The following GABBR2 variants were observed in gnomAD, a reference collection of about 807,000 sequenced individuals.
The protein encoded by GABBR2 is gamma-aminobutyric acid type B receptor subunit 2.
A neutral mutation model predicts 105.6 loss-of-function variants in GABBR2; 23 were observed. The ratio of observed to expected loss-of-function variants is 0.22; its 90% CI spans 0.16 to 0.31. The LOEUF (loss-of-function observed/expected upper bound fraction) is 0.31. GABBR2 is among the 10% of genes least tolerant of loss of function. GABBR2 has a pLI of 1.00. For synonymous variants in GABBR2, 478 were observed against 499.7 expected, an observed-to-expected ratio of 0.96 and a Z score of 0.58; for missense variants, 734 against 1,245.5, an observed-to-expected ratio of 0.59 and a Z score of 6.18.
chr9:98,423,505 G>A lies in GABBR2; in HGVS notation c.1237-17364C>T, dbSNP rs1468706279. ...AGTTCATTGTAGATTCTGGATATTA[G>A]CCCTTTGTCAGATGAGTAGGTTGCA... is the stretch of plus-strand genomic sequence containing the variant. On this transcript the variant is annotated intron_variant, in intron 7 of 18. Transcript: ENST00000259455. 5.9e-5 allele frequency among the ~76,000 whole-genome samples: 9 copies of A among 152,206 alleles called. No individual in the cohort carries two copies. The East Asian group carries it at 1.5e-3, about 26-fold the overall frequency.
intron 1 of GABBR2, among the ~76,000 whole-genome samples, chr9:98,646,436 C>T (rs13286855): frequency 0.19 from 29,223 of 152,052 alleles, 3,088 homozygotes; most frequent in South Asian, 0.28. Flanking sequence ...CCTGGAAGCT[C>T]GCACCTGGTT....
Position 98,362,868 on chromosome 9 carries a change from G to A in GABBR2, c.1771-31C>T, listed in dbSNP as rs374920783. ...GAGCGGGAAGGAGCAGAGGGGAGCCGATGTGAGAGACAGCTTCCCACGCAG... is the reference window on the plus strand; with the variant it reads ...GAGCGGGAAGGAGCAGAGGGGAGCCAATGTGAGAGACAGCTTCCCACGCAG... On this transcript the variant is annotated intron_variant, in intron 12 of 18. Transcript: ENST00000259455. The A allele has an allele frequency of 2.2e-5, 33 of 1,475,504 alleles. No individual in the cohort carries two copies. The African/African-American group carries it at 3.4e-4, about 15-fold the overall frequency. The allele number at this position is 1,475,504 out of a possible 1,614,324, so 91.4% of individuals were successfully genotyped here.
intron 3 of GABBR2, among the ~76,000 whole-genome samples, chr9:98,522,748 CAGA>C (rs1192426558): frequency 1.3e-5 from 2 of 151,980 alleles, no homozygotes; most frequent in Non-Finnish European, 2.9e-5. Context: ...TGACTCATGT[CAGA>C]AGAAATTAGT....
At chr9:98,529,665 C>T (rs1828028786) in intron 3 of GABBR2, among the ~76,000 whole-genome samples, 1 of 152,140 alleles carries the variant, frequency 6.6e-6, no homozygotes, top group Admixed American at 6.5e-5. Context: ...CAAAAAAGAA[C>T]TTGACATTTT....
intron 1 of GABBR2, among the ~76,000 whole-genome samples, chr9:98,680,963 C>T (rs1830537726): frequency 6.6e-6 from 1 of 152,158 alleles, no homozygotes; most frequent in Admixed American, 6.5e-5. Flanking sequence ...AATAGATTAA[C>T]ATAGTAAAGA....
chr9:98,354,060 T>C (rs901809190), intron 13 of GABBR2, among the ~76,000 whole-genome samples: 4 of 152,254 alleles, frequency 2.6e-5, no homozygotes, highest in Non-Finnish European at 5.9e-5. Context: ...TATTTCTTCA[T>C]AGCAGTGTGG....
intron 2 of GABBR2, among the ~76,000 whole-genome samples, chr9:98,545,940 T>C (rs2131744673): frequency 6.6e-6 from 1 of 152,324 alleles, no homozygotes; most frequent in Admixed American, 6.5e-5. Context: ...TCTCCTGCCT[T>C]GTTTCGCATA....
chr9:98,577,730 G>A (rs1217208332), intron 2 of GABBR2, among the ~76,000 whole-genome samples: 2 of 152,208 alleles, frequency 1.3e-5, no homozygotes, highest in Non-Finnish European at 2.9e-5. Flanking sequence ...CATGGTGATA[G>A]CATCAGGGCT....
At chr9:98,599,548 T>C (rs1290311653) in intron 1 of GABBR2, among the ~76,000 whole-genome samples, 1 of 152,242 alleles carries the variant, frequency 6.6e-6, no homozygotes, top group Non-Finnish European at 1.5e-5. Flanking sequence ...CAGTGTTTTC[T>C]CCTGACCTGA....
At chr9:98,698,719 C>G (rs182147820) in intron 1 of GABBR2, among the ~76,000 whole-genome samples, 1 of 151,990 alleles carries the variant, frequency 6.6e-6, no homozygotes, top group African/African-American at 2.4e-5. Context: ...AGGCTGGTCT[C>G]GAACTCCTGA....
At chr9:98,706,225 T>C (rs1377378683) in intron 1 of GABBR2, among the ~76,000 whole-genome samples, 1 of 152,016 alleles carries the variant, frequency 6.6e-6, no homozygotes, top group Non-Finnish European at 1.5e-5. Flanking sequence ...GGGCATCTTC[T>C]ACCCTGGCCT....
intron 12 of GABBR2, among the ~76,000 whole-genome samples, chr9:98,368,711 A>G (rs1831725543): frequency 1.3e-5 from 2 of 152,198 alleles, no homozygotes; most frequent in South Asian, 4.1e-4. Context: ...CAAAGGAACC[A>G]ATACTGTGCT....
chr9:98,558,844 A>G (rs1828626908), intron 2 of GABBR2, among the ~76,000 whole-genome samples: 1 of 152,254 alleles, frequency 6.6e-6, no homozygotes, highest in South Asian at 2.1e-4. Flanking sequence ...GATCTGAACC[A>G]CATGCTGCTG....
intron 5 of GABBR2, among the ~76,000 whole-genome samples, chr9:98,473,717 C>T (rs1407143864): frequency 1.3e-5 from 2 of 152,148 alleles, no homozygotes; most frequent in East Asian, 1.9e-4. Flanking sequence ...AGGTTATTTA[C>T]ACAACTCTCA....
At chr9:98,604,022 A>G (rs1310164386) in intron 1 of GABBR2, among the ~76,000 whole-genome samples, 1 of 152,160 alleles carries the variant, frequency 6.6e-6, no homozygotes, top group Non-Finnish European at 1.5e-5. Context: ...CTGGGTTTTG[A>G]CAGCTGGAAG....
At chr9:98,470,759 C>CT (rs1826657306) in intron 6 of GABBR2, among the ~76,000 whole-genome samples, 1 of 151,802 alleles carries the variant, frequency 6.6e-6, no homozygotes, top group Admixed American at 6.6e-5. Context: ...TGAATCTGGT[C>CT]TTTATTTAAA....
intron 2 of GABBR2, among the ~76,000 whole-genome samples, chr9:98,543,401 G>A (rs1018587570): frequency 6.6e-6 from 1 of 151,818 alleles, no homozygotes; most frequent in Admixed American, 6.6e-5. Flanking sequence ...GGTCCATTCT[G>A]TTGCCCAGAC....
At chr9:98,708,300 C>T (rs1830928553) in intron 1 of GABBR2, 117 bp downstream of exon 1, 3 of 1,090,772 alleles carry the variant, frequency 2.8e-6, no homozygotes, top group African/African-American at 1.6e-5. Flanking sequence ...TCTCTGCCCT[C>T]GGCAGGCGCG....
intron 11 of GABBR2, among the ~76,000 whole-genome samples, chr9:98,380,637 G>A (rs781498768): frequency 6.6e-5 from 10 of 152,200 alleles, no homozygotes; most frequent in Admixed American, 2.0e-4. Flanking sequence ...GAGACAGCAC[G>A]GGGTATAGCT....
Sources: gnomAD v4.1 joint callset for allele counts (sites outside exome capture counted in the v4.1 genomes callset) on GRCh38, gnomAD v4.1.1 for gene constraint, MANE v1.5 for transcripts, NCBI Gene and HGNC (gene_info 2026-07-23, HGNC 2026-07-21) for gene names.